The following DYM variants were observed in gnomAD, a reference collection of about 807,000 sequenced individuals.
The protein encoded by DYM is dymeclin.
In DYM, 78 loss-of-function variants were observed where a neutral mutation model predicts 93.1. The ratio of observed to expected loss-of-function variants is 0.84; its 90% CI spans 0.70 to 1.01. The LOEUF is 1.01. Ranked by LOEUF, DYM falls within the 50% of genes least tolerant of loss-of-function variation. DYM has a pLI of 0.00. For missense variants in DYM, 789 were observed against 845.0 expected (o/e 0.93, Z 0.82); for synonymous variants, 321 against 319.7 (o/e 1.00, Z -0.04).
At chr18:49,340,781 C>T (rs547738779) in intron 6 of DYM, among the ~76,000 whole-genome samples, 2 of 152,278 alleles carry the variant, frequency 1.3e-5, no homozygotes, top group South Asian at 4.1e-4. Context: ...ACAGTGACAA[C>T]ATGAATGAAA....
chr18:49,248,642 A>C (rs77214053), intron 13 of DYM, among the ~76,000 whole-genome samples: 10 of 152,254 alleles, frequency 6.6e-5, no homozygotes, highest in Non-Finnish European at 1.3e-4. Context: ...AAAAAAAAAA[A>C]CCAACTATAA....
Position 49,150,783 on chromosome 18 carries a change from T to G in DYM, c.1728+12902A>C, listed in dbSNP as rs78546549. ...ATGTTCCTCATGATGTCAAGCATGA[T>G]GCAAATTTAAGATCATAGAAGAGAT... On this transcript the variant is annotated intron_variant, in intron 15 of 17. Transcript: ENST00000675505. Among the ~76,000 whole-genome samples the G allele has an allele frequency of 2.6e-5, 4 of 152,288 alleles. No homozygotes were observed. In the East Asian group the frequency reaches 5.8e-4, roughly 22 times the overall value.
Position 49,136,536 on chromosome 18 carries a change from A to T in DYM, c.1729-17610T>A, listed in dbSNP as rs987535851. ...GGGAATCGTATTCTAGCAATCAATT[A>T]CACCATGAGTTGGGAGCTGCCTGTC... On this transcript the variant is annotated intron_variant, in intron 15 of 17. Transcript: ENST00000675505. Among the ~76,000 whole-genome samples the T allele has an allele frequency of 7.2e-5, 11 of 152,206 alleles. 1 individual carries two copies. Among genetic ancestry groups the T allele is most frequent in the African/African-American group, 2.7e-4 (11 of 41,458 alleles).
intron 3 of DYM, among the ~76,000 whole-genome samples, chr18:49,385,183 T>C (rs777997829): frequency 7.2e-5 from 11 of 152,076 alleles, no homozygotes; most frequent in Non-Finnish European, 1.0e-4. Flanking sequence ...ATTGTATTTA[T>C]ATGCCAAAGG....
chr18:49,178,918 C>G (rs113571385), intron 14 of DYM, among the ~76,000 whole-genome samples: 66 of 151,974 alleles, frequency 4.3e-4, no homozygotes, highest in African/African-American at 1.5e-3. Flanking sequence ...CCCCACCACG[C>G]CCCCATTTTC....
rs2066189779 is a variant in DYM, at chr18:49,363,177, T to C, written c.478A>G (p.Thr160Ala). The C allele has an allele frequency of 2.5e-6, 4 of 1,613,654 alleles. No homozygotes were observed. Among genetic ancestry groups the C allele is most frequent in the East Asian group, 2.2e-5 (1 of 44,828 alleles). Residue 160 changes from threonine (T) to alanine (A), a missense_variant, in exon 6 of 18, where the codon ACT becomes GCT. Thr to Ala is a moderately conservative substitution (Grantham distance 58). Coordinates refer to ENST00000675505, the MANE Select transcript of DYM (RefSeq NM_001353214.3). ...AGAACTTACAAGAGTGGAATATCAGTGATCAACTGCATCAAACAGCACAGC... is the reference window on the plus strand; with the variant it reads ...AGAACTTACAAGAGTGGAATATCAGCGATCAACTGCATCAAACAGCACAGC... ...ELLCCLMQLI[T>A]DIPLLDITYE...
intron 1 of DYM, among the ~76,000 whole-genome samples, chr18:49,432,536 T>C (rs1226950006): frequency 6.6e-6 from 1 of 151,096 alleles, no homozygotes; most frequent in Non-Finnish European, 1.5e-5. Context: ...TGCTTTCATT[T>C]ATAAGATTTT....
chr18:49,430,557 A>G (rs1243426655), intron 1 of DYM, 110 bp from the exon 2 acceptor site: 2 of 862,534 alleles, frequency 2.3e-6, no homozygotes, highest in Admixed American at 2.7e-5. Flanking sequence ...TTCTGTATTT[A>G]TAAATATATT....
chr18:49,320,824 G>A (rs986319624), intron 8 of DYM, among the ~76,000 whole-genome samples: 5 of 151,858 alleles, frequency 3.3e-5, no homozygotes, highest in Middle Eastern at 3.4e-3. Context: ...GTTAGTCTTC[G>A]AAAAAAATAT....
intron 11 of DYM, among the ~76,000 whole-genome samples, chr18:49,266,770 T>C (rs926542256): frequency 1.3e-5 from 2 of 152,342 alleles, no homozygotes; most frequent in East Asian, 1.9e-4. Flanking sequence ...GTGATAAAGT[T>C]TGACTTTAAT....
chr18:49,370,289 A>AC (rs1039626230), intron 5 of DYM, among the ~76,000 whole-genome samples: 1 of 150,046 alleles, frequency 6.7e-6, no homozygotes, highest in Non-Finnish European at 1.5e-5. Context: ...AGAAAAAAAA[A>AC]AAAAAAAAAA....
At chr18:49,348,611 T>C (rs554501931) in intron 6 of DYM, among the ~76,000 whole-genome samples, 59 of 144,936 alleles carry the variant, frequency 4.1e-4, no homozygotes, top group African/African-American at 1.4e-3. Flanking sequence ...TTATGATTTA[T>C]AAAAAAAAAA....
intron 15 of DYM, among the ~76,000 whole-genome samples, chr18:49,152,774 T>C (rs1475965369): frequency 1.3e-5 from 2 of 152,146 alleles, no homozygotes; most frequent in African/African-American, 2.4e-5. Context: ...ATATCCACAA[T>C]GGAATATCAT....
intron 17 of DYM, among the ~76,000 whole-genome samples, chr18:49,096,012 A>T (rs1306777087): frequency 6.6e-6 from 1 of 152,140 alleles, no homozygotes; most frequent in Non-Finnish European, 1.5e-5. Context: ...TTCACATGGT[A>T]TAGTTTACAT....
intron 8 of DYM, among the ~76,000 whole-genome samples, chr18:49,331,309 T>C (rs2063290165): frequency 6.6e-6 from 1 of 152,218 alleles, no homozygotes; most frequent in Admixed American, 6.5e-5. Flanking sequence ...GAAGCAGAAA[T>C]GAGGACTTAT....
intron 8 of DYM, among the ~76,000 whole-genome samples, chr18:49,310,329 C>T (rs1012446958): frequency 2.6e-5 from 4 of 151,942 alleles, no homozygotes; most frequent in African/African-American, 7.3e-5. Context: ...TTTAAGTTAC[C>T]CTGAACTTAA....
At chr18:49,262,655 A>G (rs2094508109) in intron 11 of DYM, among the ~76,000 whole-genome samples, 1 of 152,206 alleles carries the variant, frequency 6.6e-6, no homozygotes, top group Non-Finnish European at 1.5e-5. Flanking sequence ...GTTAGTAAAT[A>G]GCTTTTGTTG....
At chr18:49,398,422 A>G (rs2070387315) in intron 2 of DYM, among the ~76,000 whole-genome samples, 1 of 152,190 alleles carries the variant, frequency 6.6e-6, no homozygotes. Context: ...ACCCAAGCCT[A>G]GCCCAAGTCT....
At position 49,112,140 on chromosome 18, in the gene DYM, C is replaced by T. The variant is rs183758877; in HGVS notation, c.1911+6604G>A. Reference sequence around the variant, plus strand: ...CTCCTCTCCGCACCCCCCTCCCCTCCGCACCCCCACCCCTGCCAGCAATCT... The same window carrying T: ...CTCCTCTCCGCACCCCCCTCCCCTCTGCACCCCCACCCCTGCCAGCAATCT... On this transcript the variant is annotated intron_variant, in intron 16 of 17. Transcript: ENST00000675505. 2.8e-3 allele frequency among the ~76,000 whole-genome samples: 417 copies of T among 151,520 alleles called. 3 individuals carry two copies. Among genetic ancestry groups the T allele is most frequent in the African/African-American group, 9.2e-3 (381 of 41,400 alleles).
Sources: gnomAD v4.1 joint callset for allele counts (sites outside exome capture counted in the v4.1 genomes callset) on GRCh38, gnomAD v4.1.1 for gene constraint, MANE v1.5 for transcripts, NCBI Gene and HGNC (gene_info 2026-07-23, HGNC 2026-07-21) for gene names.